XYLB: variants seen among roughly 807,000 people sequenced by gnomAD.
XYLB encodes xylulokinase, also known as xylulose kinase.
In XYLB, 62 loss-of-function variants were observed where a neutral mutation model predicts 78.7. The observed-to-expected ratio is 0.79, with a 90% CI of 0.64 to 0.97. The LOEUF is 0.97. XYLB is among the 50% of genes least tolerant of loss of function. The pLI is 0.00. For synonymous variants in XYLB, 245 were observed against 247.4 expected (o/e 0.99, Z 0.09); for missense variants, 687 against 676.8 (o/e 1.02, Z -0.17).
At chr3:38,426,681 C>T in the XYLB span, among the ~76,000 whole-genome samples, 14 of 152,278 alleles carry the variant, frequency 9.2e-5, no homozygotes, top group African/African-American at 2.4e-4. Flanking sequence ...ATGTGGATCG[C>T]GAATCCTGCG....
intron 14 of XYLB, among the ~76,000 whole-genome samples, chr3:38,377,736 G>A (rs192673661): frequency 3.0e-4 from 46 of 152,154 alleles, no homozygotes; most frequent in Non-Finnish European, 6.0e-4. Flanking sequence ...CACCATGCCC[G>A]GCTATCATTT....
At chr3:38,447,034 AAT>A in the XYLB span, among the ~76,000 whole-genome samples, 1 of 152,238 alleles carries the variant, frequency 6.6e-6, no homozygotes, top group Non-Finnish European at 1.5e-5. Context: ...ACAGGGGACT[AAT>A]ATCCAGAATA....
Position 38,363,053 on chromosome 3 carries a change from G to T in XYLB, c.291+36G>T. On this transcript the variant is annotated intron_variant, in intron 4 of 18. Coordinates refer to ENST00000207870, the MANE Select transcript of XYLB (RefSeq NM_005108.4). ...AGCAGACTCTGTCTGCCATGTGAGG[G>T]TGACTGTCCTGGGCAATGGTGTGGG... The T allele has an allele frequency of 4.0e-6, 6 of 1,485,390 alleles. No individual in the cohort carries two copies. In the East Asian group the frequency reaches 1.5e-4, roughly 37 times the overall value. The allele number at this position is 1,485,390 out of a possible 1,614,324, so 92.0% of individuals were successfully genotyped here. A position where few individuals can be genotyped will look rare whatever the true frequency, so the allele number is the denominator to read the frequency against.
At chr3:38,360,084 T>C (rs1237484159) in intron 2 of XYLB, among the ~76,000 whole-genome samples, 1 of 152,202 alleles carries the variant, frequency 6.6e-6, no homozygotes, top group Non-Finnish European at 1.5e-5. Flanking sequence ...AGGGTGAGCC[T>C]TTCTTATCTA....
At chr3:38,433,490 T>C in the XYLB span, among the ~76,000 whole-genome samples, 10 of 152,240 alleles carry the variant, frequency 6.6e-5, no homozygotes, top group African/African-American at 2.4e-4. Context: ...CTGCAAATTT[T>C]CCAAACTTTT....
chr3:38,366,594 G>A (rs141677732), intron 6 of XYLB, among the ~76,000 whole-genome samples: 28 of 152,290 alleles, frequency 1.8e-4, no homozygotes, highest in African/African-American at 6.5e-4. Flanking sequence ...TGTTGCCCAG[G>A]CTGGACTCCT....
At chr3:38,400,362 G>GGTGCTGAGCGCTAAGGAGGGC (rs1708071131) in intron 17 of XYLB, among the ~76,000 whole-genome samples, 1 of 152,198 alleles carries the variant, frequency 6.6e-6, no homozygotes, top group Non-Finnish European at 1.5e-5. Context: ...AAAAGCAGAT[G>GGTGCTGAGCGCTAAGGAGGGC]GTGCTGAGCG....
intron 15 of XYLB, among the ~76,000 whole-genome samples, chr3:38,386,921 T>G (rs1468298773): frequency 6.6e-6 from 1 of 152,244 alleles, no homozygotes; most frequent in Non-Finnish European, 1.5e-5. Context: ...GTTGGCACTT[T>G]TTACTTTCAG....
At chr3:38,383,323 T>C (rs1490610467) in intron 15 of XYLB, among the ~76,000 whole-genome samples, 1 of 152,186 alleles carries the variant, frequency 6.6e-6, no homozygotes, top group East Asian at 1.9e-4. Flanking sequence ...TGAACCTGCT[T>C]TTTTTAAGGA....
At position 38,412,882 on chromosome 3, in the gene XYLB, G is replaced by C. The variant is rs930253124; in HGVS notation, c.1534-54G>C. On this transcript the variant is annotated intron_variant, in intron 18 of 18. Coordinates refer to ENST00000207870, the MANE Select transcript of XYLB (RefSeq NM_005108.4). ...AATTTTAAATTGCAAAGTGCAACCAGATGTAAGAGGCATTTTCCCCCTCTG... is the reference window on the plus strand; with the variant it reads ...AATTTTAAATTGCAAAGTGCAACCACATGTAAGAGGCATTTTCCCCCTCTG... 12 of 1,485,102 alleles carry C rather than the reference G, an allele frequency of 8.1e-6. No individual in the cohort carries two copies. In the African/African-American group the frequency reaches 1.6e-4, roughly 19 times the overall value. The allele number at this position is 1,485,102 out of a possible 1,614,324, so 92.0% of individuals were successfully genotyped here. A position where few individuals can be genotyped will look rare whatever the true frequency, so the allele number is the denominator to read the frequency against.
intron 2 of XYLB, among the ~76,000 whole-genome samples, chr3:38,353,966 A>C (rs1463159175): frequency 6.6e-6 from 1 of 150,632 alleles, no homozygotes; most frequent in Non-Finnish European, 1.5e-5. Flanking sequence ...TTCTGTGTTC[A>C]CTTAGGTCCA....
chr3:38,397,483 C>A (rs1022684657), intron 17 of XYLB, among the ~76,000 whole-genome samples: 2 of 152,146 alleles, frequency 1.3e-5, no homozygotes, highest in Non-Finnish European at 2.9e-5. Flanking sequence ...AGCTAGAGGG[C>A]AGGAGAGGTG....
At chr3:38,428,956 G>A in the XYLB span, among the ~76,000 whole-genome samples, 4 of 152,200 alleles carry the variant, frequency 2.6e-5, no homozygotes, top group Non-Finnish European at 4.4e-5. Context: ...TCTTCAAGAA[G>A]TCATTATTGT....
chr3:38,347,771 C>T (rs939023332), intron 1 of XYLB, among the ~76,000 whole-genome samples: 1 of 152,258 alleles, frequency 6.6e-6, no homozygotes, highest in African/African-American at 2.4e-5. Flanking sequence ...GGTCTGTGCA[C>T]CCAGGACTGC....
At position 38,372,674 on chromosome 3, in the gene XYLB, A is replaced by ACGTCCAG. The variant is rs1354104731; in HGVS notation, c.788_794dup (p.Tyr266ProfsTer31). 1.2e-6 allele frequency: 2 copies of ACGTCCAG among 1,613,874 alleles called. No homozygotes were observed. The highest frequency in any genetic ancestry group is 1.7e-6 in the Non-Finnish European group (2 of 1,179,972). ...CCTCAGGGAGCCATTTCTTCCTACT[A>ACGTCCAG]CGTCCAGCGCTACGGATTTCCTCCA... On this transcript the variant is annotated frameshift_variant, in exon 10 of 19. Coordinates refer to ENST00000207870, the MANE Select transcript of XYLB (RefSeq NM_005108.4). LOFTEE classifies it high-confidence loss of function.
intron 18 of XYLB, among the ~76,000 whole-genome samples, chr3:38,408,571 C>G (rs560382284): frequency 2.6e-5 from 4 of 151,470 alleles, no homozygotes; most frequent in Non-Finnish European, 4.4e-5. Flanking sequence ...ACAAAAAAAC[C>G]CTTCAAAAAA....
At chr3:38,365,819 T>A (rs1706230165) in intron 6 of XYLB, 83 bp downstream of exon 6, 12 of 1,479,390 alleles carry the variant, frequency 8.1e-6, no homozygotes, top group Non-Finnish European at 1.1e-5. Context: ...TCTGGGGGGA[T>A]CACATGAGGT....
intron 11 of XYLB, among the ~76,000 whole-genome samples, chr3:38,374,907 A>G (rs1038984302): frequency 6.6e-6 from 1 of 152,140 alleles, no homozygotes; most frequent in Non-Finnish European, 1.5e-5. Context: ...CATTATTTAG[A>G]TGCAGTTGTG....
chr3:38,399,092 T>C (rs1489198936), intron 17 of XYLB, among the ~76,000 whole-genome samples: 1 of 152,034 alleles, frequency 6.6e-6, no homozygotes, highest in Non-Finnish European at 1.5e-5. Flanking sequence ...CTCCTTTATT[T>C]CTATGCTGAG....
Sources: allele counts gnomAD v4.1 joint callset (sites outside exome capture counted in the v4.1 genomes callset), GRCh38; gene constraint gnomAD v4.1.1; transcripts MANE v1.5; gene names NCBI Gene and HGNC (gene_info 2026-07-23, HGNC 2026-07-21).